Variants in KCNT2 observed in about 807,000 individuals in gnomAD.
The protein encoded by KCNT2 is potassium channel subfamily T member 2.
A neutral mutation model predicts 153.8 loss-of-function variants in KCNT2; 67 were observed. The ratio of observed to expected loss-of-function variants is 0.44; its 90% CI spans 0.36 to 0.53. The LOEUF (loss-of-function observed/expected upper bound fraction) is 0.53. Ranked by LOEUF, KCNT2 falls within the 20% of genes least tolerant of loss-of-function variation. The pLI, the probability that KCNT2 is intolerant of heterozygous loss-of-function variation, is 0.00. For synonymous variants in KCNT2, 500 were observed against 458.8 expected (o/e 1.09, Z -1.15); for missense variants, 975 against 1,354.8 (o/e 0.72, Z 4.40).
Position 196,239,466 on chromosome 1 carries a change from T to C in KCNT2, c.3212-3396A>G, listed in dbSNP as rs546543566. On this transcript the variant is annotated intron_variant, in intron 26 of 27. Transcript: ENST00000294725. ...AGCATATACAATTATTAAACAAAAATCTTCAAATGGCAAATATTTTGCTTA... is the reference window on the plus strand; with the variant it reads ...AGCATATACAATTATTAAACAAAAACCTTCAAATGGCAAATATTTTGCTTA... 6.5e-4 allele frequency among the ~76,000 whole-genome samples: 99 copies of C among 152,040 alleles called. 1 individual carries two copies. Among genetic ancestry groups the C allele is most frequent in the African/African-American group, 2.0e-3 (84 of 41,520 alleles).
intron 20 of KCNT2, among the ~76,000 whole-genome samples, chr1:196,316,296 A>G (rs1662711243): frequency 6.6e-6 from 1 of 151,748 alleles, no homozygotes; most frequent in Non-Finnish European, 1.5e-5. Flanking sequence ...AATTTTTATT[A>G]ATTATATACA....
intron 12 of KCNT2, among the ~76,000 whole-genome samples, chr1:196,399,612 C>A (rs2148443662): frequency 6.6e-6 from 1 of 151,850 alleles, no homozygotes; most frequent in African/African-American, 2.4e-5. Context: ...TACAGATAGA[C>A]ACGAGGGACT....
chr1:196,483,285 A>G (rs1463879029), intron 3 of KCNT2, among the ~76,000 whole-genome samples: 3 of 152,182 alleles, frequency 2.0e-5, no homozygotes, highest in Non-Finnish European at 4.4e-5. Context: ...ACAACAAAAT[A>G]TCTGCAGAAT....
In KCNT2 at chr1:196,479,228, G is replaced by A; in HGVS notation, c.335C>T (p.Ala112Val). 6.4e-7 allele frequency: 1 copy of A among 1,566,418 alleles called. No homozygotes were observed. Among genetic ancestry groups the A allele is most frequent in the Non-Finnish European group, 8.7e-7 (1 of 1,142,976 alleles). The change falls in exon 5 of 28, where the codon GCA (alanine) becomes GTA (valine). Residue 112 changes from alanine to valine, a missense_variant. Coordinates refer to ENST00000294725, the MANE Select transcript of KCNT2 (RefSeq NM_198503.5). ...TATTGTTTCAAACAGACTTATCAAT[G>A]CCACTGAAACCTGAAAGATAAATTG... ...LPLWGLQVSV[A>V]LISLFETILL...
intron 21 of KCNT2, among the ~76,000 whole-genome samples, chr1:196,311,912 T>G (rs1662221789): frequency 6.6e-6 from 1 of 151,908 alleles, no homozygotes; most frequent in Non-Finnish European, 1.5e-5. Context: ...TGGTTGTTTC[T>G]AATCCAAAGC....
intron 21 of KCNT2, among the ~76,000 whole-genome samples, chr1:196,312,456 G>C (rs1353115999): frequency 6.6e-6 from 1 of 151,664 alleles, no homozygotes; most frequent in African/African-American, 2.4e-5. Context: ...GAACGAATCA[G>C]GGTAAGTGAT....
chr1:196,255,961 A>G lies in KCNT2; in HGVS notation c.3211+2233T>C, dbSNP rs549590580. On this transcript the variant is annotated intron_variant, in intron 26 of 27. Coordinates refer to ENST00000294725, the MANE Select transcript of KCNT2 (RefSeq NM_198503.5). The stretch of plus-strand genomic sequence containing the variant: ...AGGTCAGAGTTTCAGTTCCTCCTGC[A>G]TGTTAATCACTCTGGGCAAGGCATT... 2.6e-5 allele frequency among the ~76,000 whole-genome samples: 4 copies of G among 152,056 alleles called. No homozygotes were observed. The South Asian group carries it at 8.3e-4, about 31-fold the overall frequency.
intron 27 of KCNT2, among the ~76,000 whole-genome samples, chr1:196,232,190 A>C (rs955082137): frequency 2.0e-5 from 3 of 151,776 alleles, no homozygotes; most frequent in Non-Finnish European, 3.0e-5. Context: ...TAGTTACTTT[A>C]AATATCAATA....
chr1:196,252,630 T>C (rs2102303261), intron 26 of KCNT2, among the ~76,000 whole-genome samples: 1 of 151,742 alleles, frequency 6.6e-6, no homozygotes, highest in Middle Eastern at 3.4e-3. Context: ...CAGTAAATTA[T>C]CTTTTAACAA....
Position 196,602,090 on chromosome 1 carries a change from G to A in KCNT2, c.95+6125C>T, listed in dbSNP as rs1480848733. On this transcript the variant is annotated intron_variant, in intron 1 of 27. Transcript: ENST00000294725. ...AAAGATTAAAAATAATTGTCTTTCT[G>A]GATAATTATTTATTGTTTTGATTGC... Among the ~76,000 whole-genome samples the A allele has an allele frequency of 4.6e-5, 7 of 151,912 alleles. No homozygotes were observed. In the East Asian group the frequency reaches 1.4e-3, roughly 29 times the overall value.
intron 9 of KCNT2, among the ~76,000 whole-genome samples, chr1:196,428,524 G>C (rs1673851379): frequency 6.6e-6 from 1 of 152,044 alleles, no homozygotes. Context: ...AGGCCACTAA[G>C]AGGTTTGTAC....
At chr1:196,271,788 A>G (rs1023065892) in intron 25 of KCNT2, among the ~76,000 whole-genome samples, 9 of 152,060 alleles carry the variant, frequency 5.9e-5, no homozygotes, top group African/African-American at 1.7e-4. Context: ...GTCAGTGAAC[A>G]CAGCTGTGCT....
chr1:196,506,984 G>A (rs1681196856), intron 1 of KCNT2, among the ~76,000 whole-genome samples: 1 of 151,554 alleles, frequency 6.6e-6, no homozygotes, highest in South Asian at 2.1e-4. Flanking sequence ...GTTTTATTTG[G>A]TCTCATAAAT....
At chr1:196,237,103 T>G (rs1654512522) in intron 26 of KCNT2, among the ~76,000 whole-genome samples, 1 of 151,772 alleles carries the variant, frequency 6.6e-6, no homozygotes, top group Admixed American at 6.6e-5. Flanking sequence ...TTCATACCAA[T>G]ACCTATAGTA....
At chr1:196,592,194 G>A (rs1366362836) in intron 1 of KCNT2, among the ~76,000 whole-genome samples, 2 of 151,954 alleles carry the variant, frequency 1.3e-5, no homozygotes, top group African/African-American at 4.8e-5. Context: ...AAAAAAAAAT[G>A]AGATTCTGTC....
chr1:196,449,196 A>G (rs908247605), intron 8 of KCNT2, among the ~76,000 whole-genome samples: 1 of 151,740 alleles, frequency 6.6e-6, no homozygotes, highest in African/African-American at 2.4e-5. Flanking sequence ...TAAAGCAGAG[A>G]ATTGAAAGTG....
chr1:196,237,042 C>T lies in KCNT2; in HGVS notation c.3212-972G>A, dbSNP rs186180694. Among the ~76,000 whole-genome samples, 149 of 151,630 alleles carry T rather than the reference C, an allele frequency of 9.8e-4. 4 individuals carry two copies. The East Asian group carries it at 0.024, about 24-fold the overall frequency. Reference sequence around the variant, plus strand: ...CTCCTGAAGAAAGAACTAAATTTTTCAGTTTGACCCAAAGTCTAAGAATAA... The same window carrying T: ...CTCCTGAAGAAAGAACTAAATTTTTTAGTTTGACCCAAAGTCTAAGAATAA... On this transcript the variant is annotated intron_variant, in intron 26 of 27. Coordinates refer to ENST00000294725, the MANE Select transcript of KCNT2 (RefSeq NM_198503.5).
At chr1:196,380,159 G>A (rs1669353666) in intron 13 of KCNT2, among the ~76,000 whole-genome samples, 1 of 152,122 alleles carries the variant, frequency 6.6e-6, no homozygotes, top group Non-Finnish European at 1.5e-5. Flanking sequence ...ACAGAAAATA[G>A]TGTGTAAAGA....
chr1:196,234,705 AT>A (rs1654270692), intron 27 of KCNT2, among the ~76,000 whole-genome samples: 1 of 151,460 alleles, frequency 6.6e-6, no homozygotes, highest in South Asian at 2.1e-4. Flanking sequence ...ATATTATTAC[AT>A]TTAGTTCTAA....
Sources: gnomAD v4.1 joint callset for allele counts (sites outside exome capture counted in the v4.1 genomes callset) on GRCh38, gnomAD v4.1.1 for gene constraint, MANE v1.5 for transcripts, NCBI Gene and HGNC (gene_info 2026-07-23, HGNC 2026-07-21) for gene names.